Variants in PTPRG observed in about 807,000 individuals in gnomAD.
PTPRG encodes protein tyrosine phosphatase receptor type G.
A neutral mutation model predicts 165.3 loss-of-function variants in PTPRG; 102 were observed. That is an observed-to-expected ratio of 0.62 (90% CI 0.53 to 0.73). PTPRG has a LOEUF of 0.73. PTPRG is among the 30% of genes least tolerant of loss of function. The pLI is 0.00. For missense variants in PTPRG, 1,866 were observed against 1,861.4 expected (o/e 1.00, Z -0.05); for synonymous variants, 675 against 669.5 (o/e 1.01, Z -0.13).
chr3:61,781,892 T>TTG (rs1296823659), intron 2 of PTPRG, among the ~76,000 whole-genome samples: 1 of 148,390 alleles, frequency 6.7e-6, no homozygotes, highest in Non-Finnish European at 1.5e-5. Flanking sequence ...CATGCCCAGT[T>TTG]TTTTTTTTTT....
At chr3:61,630,646 A>G (rs972029658) in intron 1 of PTPRG, among the ~76,000 whole-genome samples, 4 of 152,200 alleles carry the variant, frequency 2.6e-5, no homozygotes, top group African/African-American at 9.7e-5. Context: ...TTTGTGGTTT[A>G]GCATGGTTCA....
At chr3:61,598,860 C>T (rs562282324) in intron 1 of PTPRG, among the ~76,000 whole-genome samples, 10 of 152,182 alleles carry the variant, frequency 6.6e-5, no homozygotes, top group Non-Finnish European at 1.2e-4. Context: ...ACCATACCGA[C>T]GTAATTCCTT....
chr3:61,999,366 T>C (rs13078414), intron 3 of PTPRG, among the ~76,000 whole-genome samples: 1 of 152,086 alleles, frequency 6.6e-6, no homozygotes, highest in Non-Finnish European at 1.5e-5. Context: ...CGTTTTGAAG[T>C]GCACTAATCC....
intron 5 of PTPRG, among the ~76,000 whole-genome samples, chr3:62,111,047 C>T (rs962333774): frequency 6.6e-6 from 1 of 152,186 alleles, no homozygotes; most frequent in African/African-American, 2.4e-5. Flanking sequence ...AACCTTTACA[C>T]AGCCAAGATT....
chr3:61,790,699 T>A (rs2034844567), intron 2 of PTPRG, among the ~76,000 whole-genome samples: 1 of 152,046 alleles, frequency 6.6e-6, no homozygotes, highest in Non-Finnish European at 1.5e-5. Context: ...AGAGAAATTC[T>A]CAGTCTCAGA....
chr3:61,602,901 A>C (rs1263915764), intron 1 of PTPRG, among the ~76,000 whole-genome samples: 3 of 152,236 alleles, frequency 2.0e-5, no homozygotes, highest in African/African-American at 4.8e-5. Context: ...AGAAGTGACA[A>C]ATATCTCAAG....
At chr3:61,917,308 C>A (rs1385562921) in intron 2 of PTPRG, among the ~76,000 whole-genome samples, 1 of 152,112 alleles carries the variant, frequency 6.6e-6, no homozygotes, top group Non-Finnish European at 1.5e-5. Context: ...TAAATTGGCT[C>A]ATTGCAGACA....
rs1486108823 is a variant in PTPRG at position 62,254,298 on chromosome 3, G to A, written c.2468-826G>A. On this transcript the variant is annotated intron_variant, in intron 15 of 29. Coordinates refer to ENST00000474889, the MANE Select transcript of PTPRG (RefSeq NM_002841.4). The surrounding 1 kb of genome is among the most constrained non-coding windows in gnomAD (Gnocchi z 4.6). ...ATTTTTAAAAGGAAATATTTGTGGG[G>A]GAGGGTCGAGGGAGAAGGGAAGAAG... 2.0e-5 allele frequency among the ~76,000 whole-genome samples: 3 copies of A among 152,148 alleles called. No individual in the cohort carries two copies. The highest frequency in any genetic ancestry group is 4.4e-5 in the Non-Finnish European group (3 of 68,032).
chr3:62,038,969 C>A (rs897202026), intron 4 of PTPRG, among the ~76,000 whole-genome samples: 1 of 152,090 alleles, frequency 6.6e-6, no homozygotes, highest in African/African-American at 2.4e-5. Context: ...GAGTGTTGCT[C>A]TGTTACCCAG....
At chr3:62,142,656 CTG>C (rs1703973772) in intron 6 of PTPRG, among the ~76,000 whole-genome samples, 1 of 152,168 alleles carries the variant, frequency 6.6e-6, no homozygotes, top group Non-Finnish European at 1.5e-5. Flanking sequence ...CCCTGACAGG[CTG>C]TGTGTTCTCT....
At chr3:62,031,237 A>T (rs1445434875) in intron 4 of PTPRG, among the ~76,000 whole-genome samples, 1 of 152,266 alleles carries the variant, frequency 6.6e-6, no homozygotes, top group Non-Finnish European at 1.5e-5. Flanking sequence ...AAGGCTACAT[A>T]GGAAGAAAAT....
chr3:61,890,488 A>G (rs928034084), intron 2 of PTPRG, among the ~76,000 whole-genome samples: 4 of 146,606 alleles, frequency 2.7e-5, no homozygotes, highest in African/African-American at 1.0e-4. Context: ...CAGTAACTCC[A>G]TAGTCTTTGA....
rs1447057809 is a variant in PTPRG at position 61,855,101 on chromosome 3, C to T, written c.190+106119C>T. Among the ~76,000 whole-genome samples the T allele has an allele frequency of 2.0e-5, 3 of 152,150 alleles. No homozygotes were observed. The East Asian group carries it at 5.8e-4, about 29-fold the overall frequency. ...GTGGTTCTCTTGTTTGACAACAAGC[C>T]TTTCCCTTGCCTGTTTTGTTCCCAG... On this transcript the variant is annotated intron_variant, in intron 2 of 29. Coordinates refer to ENST00000474889, the MANE Select transcript of PTPRG (RefSeq NM_002841.4).
chr3:61,578,426 C>T (rs1281101343), intron 1 of PTPRG, among the ~76,000 whole-genome samples: 4 of 152,186 alleles, frequency 2.6e-5, no homozygotes, highest in Non-Finnish European at 5.9e-5. Context: ...CAGGGTATTA[C>T]CAGTGGTCCA....
intron 1 of PTPRG, among the ~76,000 whole-genome samples, chr3:61,604,123 A>G (rs1341414749): frequency 6.6e-6 from 1 of 152,228 alleles, no homozygotes; most frequent in Non-Finnish European, 1.5e-5. Context: ...TAGGAGTACA[A>G]GACCTGTCTG....
intron 2 of PTPRG, among the ~76,000 whole-genome samples, chr3:61,909,825 T>C (rs1364779682): frequency 6.6e-6 from 1 of 152,218 alleles, no homozygotes; most frequent in African/African-American, 2.4e-5. Context: ...TTGTATACAA[T>C]AATATACCAA....
chr3:62,081,795 TGA>T (rs1701592759), intron 5 of PTPRG, among the ~76,000 whole-genome samples: 1 of 152,248 alleles, frequency 6.6e-6, no homozygotes, highest in African/African-American at 2.4e-5. Context: ...ATGATAAATT[TGA>T]GAGTTTGATA....
In PTPRG at chr3:61,738,308, A is replaced by ATGTG. The variant is rs1559583390; in HGVS notation, c.86-10569_86-10568insGTGT. Reference sequence around the variant, plus strand: ...TATATATATATATATATATATATATATATACATATATATATATATATATAT... The same window carrying ATGTG: ...TATATATATATATATATATATATATATGTGTATACATATATATATATATATATAT... On this transcript the variant is annotated intron_variant, in intron 1 of 29. Transcript: ENST00000474889. Among the ~76,000 whole-genome samples, 32 of 76,476 alleles carry ATGTG rather than the reference A, an allele frequency of 4.2e-4. 1 individual carries two copies. Among genetic ancestry groups the ATGTG allele is most frequent in the South Asian group, 1.5e-3 (3 of 1,940 alleles). 50.2% of individuals were successfully genotyped at this position (76,476 alleles called of 152,430 possible). A position where few individuals can be genotyped will look rare whatever the true frequency, so the allele number is the denominator to read the frequency against.
chr3:61,945,711 C>T (rs1265073336), intron 2 of PTPRG, among the ~76,000 whole-genome samples: 9 of 151,928 alleles, frequency 5.9e-5, no homozygotes, highest in Non-Finnish European at 1.3e-4. Context: ...AATATGTCAT[C>T]TGTACTTAAG....
Sources: gnomAD v4.1 joint callset for allele counts (sites outside exome capture counted in the v4.1 genomes callset) on GRCh38, gnomAD v4.1.1 for gene constraint, Gnocchi (gnomAD v3.1) non-coding constraint, MANE v1.5 for transcripts, NCBI Gene and HGNC (gene_info 2026-07-23, HGNC 2026-07-21) for gene names.